Variants in HECA observed in about 807,000 individuals in gnomAD.
The protein encoded by HECA is HECA ribonucleoprotein granule regulator, also known as headcase protein homolog.
Under a neutral mutation model 37.6 loss-of-function variants are expected in HECA, and 13 were observed. That is an observed-to-expected ratio of 0.35 (90% CI 0.23 to 0.55). The LOEUF is 0.55. Ranked by LOEUF, HECA falls within the 20% of genes least tolerant of loss-of-function variation. The probability of loss-of-function intolerance (pLI) is 0.90; values close to 1 mark genes in which losing one functional copy is unlikely to be tolerated. For missense variants in HECA, 527 were observed against 701.9 expected, an observed-to-expected ratio of 0.75 and a Z score of 2.82; for synonymous variants, 307 against 291.5, an observed-to-expected ratio of 1.05 and a Z score of -0.54.
At chr6:139,153,028 A>C (rs1774670772) in intron 1 of HECA, 1 of 152,168 alleles carries the variant, frequency 6.6e-6, no homozygotes, top group South Asian at 2.1e-4. Context: ...CCAAGGCTGA[A>C]GCAGAGACTT....
At chr6:139,146,044 C>A (rs1774580256) in intron 1 of HECA, among the ~76,000 whole-genome samples, 1 of 151,202 alleles carries the variant, frequency 6.6e-6, no homozygotes, top group South Asian at 2.1e-4. Flanking sequence ...TATTGCCACT[C>A]AAATCATATT....
rs868585045 is a variant in HECA at position 139,166,775 on chromosome 6, G to A, written c.763G>A (p.Val255Met). Reference protein sequence around the residue: ...MDRQNSQEKAVGAAAYGARSP... With the variant: ...MDRQNSQEKAMGAAAYGARSP... ...CCGGCAGAACTCCCAGGAGAAGGCA[G>A]TGGGTGCCGCAGCCTACGGTGCCCG... Residue 255 changes from valine (V) to methionine (M), a missense_variant, in exon 2 of 4, where the codon GTG becomes ATG. Val to Met is a conservative substitution (Grantham distance 21). Coordinates refer to ENST00000367658, the MANE Select transcript of HECA (RefSeq NM_016217.3). 2.5e-6 allele frequency: 4 copies of A among 1,613,782 alleles called. No homozygotes were observed. In the African/African-American group the frequency reaches 4.0e-5, roughly 16 times the overall value.
intron 2 of HECA, chr6:139,169,860 G>T (rs1231658400): frequency 6.6e-6 from 1 of 152,222 alleles, no homozygotes; most frequent in Non-Finnish European, 1.5e-5. Flanking sequence ...GTCTAGCCCA[G>T]GTTCAGATGA....
Position 139,135,604 on chromosome 6 carries a change from GGGA to G in HECA, c.209_211del (p.Gly70_Thr71delinsAla), listed in dbSNP as rs1774422952. On this transcript the variant is annotated inframe_deletion, in exon 1 of 4. Coordinates refer to ENST00000367658, the MANE Select transcript of HECA (RefSeq NM_016217.3). ...AGGCGCGGCGGGCGCCGGAGGCGCG[GGGA>G]CTGGCGCCGCGAACGCTGCGGCCGC... 2.1e-6 allele frequency: 2 copies of G among 967,298 alleles called. No homozygotes were observed. The highest frequency in any genetic ancestry group is 1.3e-4 in the Admixed American group (2 of 15,626). 59.9% of individuals were successfully genotyped at this position (967,298 alleles called of 1,614,324 possible). A position where few individuals can be genotyped will look rare whatever the true frequency, so the allele number is the denominator to read the frequency against.
Position 139,135,373 on chromosome 6 carries a change from C to T in HECA, c.-24C>T. 1.5e-6 allele frequency: 2 copies of T among 1,338,264 alleles called. No homozygotes were observed. The highest frequency in any genetic ancestry group is 4.0e-5 in the East Asian group (1 of 24,692). 82.9% of individuals were successfully genotyped at this position (1,338,264 alleles called of 1,614,324 possible). A position where few individuals can be genotyped will look rare whatever the true frequency, so the allele number is the denominator to read the frequency against. On this transcript the variant is annotated 5_prime_UTR_variant, in exon 1 of 4. Coordinates refer to ENST00000367658, the MANE Select transcript of HECA (RefSeq NM_016217.3). ...GATCCGCCTTCGCTGACGCCGGGCA[C>T]CTACCTGGACGCGAGCGAGCGAGAT...
intron 1 of HECA, among the ~76,000 whole-genome samples, chr6:139,162,370 A>G (rs1360280455): frequency 1.3e-5 from 2 of 152,142 alleles, no homozygotes; most frequent in African/African-American, 4.8e-5. Flanking sequence ...TTTTCATTTC[A>G]TTCTTCTGAA....
intron 1 of HECA, among the ~76,000 whole-genome samples, chr6:139,161,213 G>A (rs1774797410): frequency 6.6e-6 from 1 of 152,154 alleles, no homozygotes; most frequent in South Asian, 2.1e-4. Context: ...CATTTTGCCT[G>A]TCTCCCTGGG....
chr6:139,147,830 T>C (rs755709969), intron 1 of HECA, among the ~76,000 whole-genome samples: 2 of 152,206 alleles, frequency 1.3e-5, no homozygotes, highest in Non-Finnish European at 2.9e-5. Context: ...ATAACTAGCA[T>C]GTGATTATCT....
At position 139,135,301 on chromosome 6, in the gene HECA, T is replaced by C; in HGVS notation, c.-96T>C. 5 of 1,035,364 alleles carry C rather than the reference T, an allele frequency of 4.8e-6. No homozygotes were observed. The highest frequency in any genetic ancestry group is 6.0e-6 in the Non-Finnish European group (5 of 829,470). 64.1% of individuals were successfully genotyped at this position (1,035,364 alleles called of 1,614,324 possible). A position where few individuals can be genotyped will look rare whatever the true frequency, so the allele number is the denominator to read the frequency against. On this transcript the variant is annotated 5_prime_UTR_variant, in exon 1 of 4. Coordinates refer to ENST00000367658, the MANE Select transcript of HECA (RefSeq NM_016217.3). ...ACCGCCGGCTCGCGCCCTCCGTTCT[T>C]TCCCGGAGCCGGCTTCACGCAGGGC... is the stretch of plus-strand genomic sequence containing the variant.
chr6:139,165,482 A>G (rs1052753898), intron 1 of HECA, among the ~76,000 whole-genome samples: 2 of 152,100 alleles, frequency 1.3e-5, no homozygotes, highest in Non-Finnish European at 2.9e-5. Context: ...TGACAAATGT[A>G]TAATGACGTG....
At chr6:139,137,419 A>G (rs558267451) in intron 1 of HECA, among the ~76,000 whole-genome samples, 1 of 152,276 alleles carries the variant, frequency 6.6e-6, no homozygotes, top group South Asian at 2.1e-4. Context: ...TTACATATAT[A>G]ATGAGCTTAA....
chr6:139,159,025 A>G (rs10046349), intron 1 of HECA: 18,182 of 152,318 alleles, frequency 0.12, 1,605 homozygotes, highest in African/African-American at 0.22. Flanking sequence ...GTGAGCCGAG[A>G]TAGCACCATG....
chr6:139,164,643 A>G (rs1366283384), intron 1 of HECA, among the ~76,000 whole-genome samples: 1 of 152,182 alleles, frequency 6.6e-6, no homozygotes, highest in African/African-American at 2.4e-5. Flanking sequence ...ATAAAATCCT[A>G]CGGAAATGCA....
In HECA at chr6:139,177,745, G is replaced by A. The variant is rs1775072700; in HGVS notation, c.*640G>A. On this transcript the variant is annotated 3_prime_UTR_variant, in exon 4 of 4. Transcript: ENST00000367658. This position sits in a 1 kb window ranked among gnomAD's most constrained non-coding sequence, Gnocchi z 4.9. ...TGAAAGATATTAGTGTTGCAAATATGTTTAGGTAAACTGACCTATAACAGA... is the reference window on the plus strand; with the variant it reads ...TGAAAGATATTAGTGTTGCAAATATATTTAGGTAAACTGACCTATAACAGA... 1 of 152,300 alleles carries A rather than the reference G, an allele frequency of 6.6e-6. No individual in the cohort carries two copies. Among genetic ancestry groups the A allele is most frequent in the South Asian group, 2.1e-4 (1 of 4,826 alleles). The allele number at this position is 152,300 out of a possible 1,614,324, so 9.4% of individuals were successfully genotyped here.
chr6:139,167,709 C>T (rs1390492885), intron 2 of HECA, among the ~76,000 whole-genome samples: 1 of 152,106 alleles, frequency 6.6e-6, no homozygotes, highest in Non-Finnish European at 1.5e-5. Context: ...TGAGGAAAAG[C>T]AGTGGTCAGA....
chr6:139,168,064 C>T (rs1774918296), intron 2 of HECA, among the ~76,000 whole-genome samples: 1 of 152,080 alleles, frequency 6.6e-6, no homozygotes, highest in Non-Finnish European at 1.5e-5. Context: ...ATGATATATC[C>T]CCACCTGTCT....
At chr6:139,145,580 TTCTC>T (rs1442731820) in intron 1 of HECA, among the ~76,000 whole-genome samples, 1 of 152,206 alleles carries the variant, frequency 6.6e-6, no homozygotes, top group Non-Finnish European at 1.5e-5. Context: ...AGGAAAAACT[TTCTC>T]TACTCTCTTA....
At chr6:139,160,359 A>C (rs1040087680) in intron 1 of HECA, among the ~76,000 whole-genome samples, 1 of 152,240 alleles carries the variant, frequency 6.6e-6, no homozygotes, top group Admixed American at 6.5e-5. Context: ...CAAGTGTATG[A>C]TACCCTTCTC....
Position 139,179,499 on chromosome 6 carries a change from T to C in HECA, c.*2394T>C, listed in dbSNP as rs1775103822. 1 of 152,220 alleles carries C rather than the reference T, an allele frequency of 6.6e-6. No homozygotes were observed. Among genetic ancestry groups the C allele is most frequent in the Admixed American group, 6.5e-5 (1 of 15,272 alleles). The allele number at this position is 152,220 out of a possible 1,614,324, so 9.4% of individuals were successfully genotyped here. ...TTTACTGTAATTGGGTAAAGTTTAC[T>C]CTTGGACATTATTTCGATGCTAAAG... On this transcript the variant is annotated 3_prime_UTR_variant, in exon 4 of 4. Coordinates refer to ENST00000367658, the MANE Select transcript of HECA (RefSeq NM_016217.3).
Sources: gnomAD v4.1 joint callset for allele counts (sites outside exome capture counted in the v4.1 genomes callset) on GRCh38, gnomAD v4.1.1 for gene constraint, Gnocchi (gnomAD v3.1) non-coding constraint, MANE v1.5 for transcripts, NCBI Gene and HGNC (gene_info 2026-07-23, HGNC 2026-07-21) for gene names.